Variants in IQCE observed in about 807,000 individuals in gnomAD.
IQCE encodes IQ domain-containing protein E.
A neutral mutation model predicts 96.0 loss-of-function variants in IQCE; 115 were observed. The observed-to-expected ratio is 1.20, with a 90% CI of 1.03 to 1.40. The LOEUF is 1.40. Among genes scored for constraint, IQCE ranks in the 40% most tolerant of loss-of-function variants. IQCE has a pLI of 0.00. For missense variants in IQCE, 1,041 were observed against 909.1 expected, an observed-to-expected ratio of 1.15 and a Z score of -1.87; for synonymous variants, 412 against 371.2, an observed-to-expected ratio of 1.11 and a Z score of -1.26.
At chr7:2,592,929 G>A (rs1783720503) in intron 14 of IQCE, 93 bp from the exon 15 acceptor site, 2 of 1,381,526 alleles carry the variant, frequency 1.4e-6, no homozygotes, top group Admixed American at 4.0e-5. Flanking sequence ...CCTAAGGAAG[G>A]GCTGAGCACT....
chr7:2,559,311 G>A (rs924597757), intron 1 of IQCE, 94 bp downstream of exon 1: 14 of 677,746 alleles, frequency 2.1e-5, no homozygotes, highest in Non-Finnish European at 2.6e-5. Context: ...CGCAGGGGCC[G>A]GCCCGGGGCG....
Position 2,583,637 on chromosome 7 carries a change from C to A in IQCE, c.702C>A (p.Ser234Arg). Residue 234 changes from serine (S) to arginine (R), a missense_variant and splice_region_variant, in exon 10 of 22, where the codon AGC becomes AGA. Transcript: ENST00000402050. ...ATTAACGCTGAACTTGGGTTTTCAG[C>A]AAACTCCAGACCGATATGAAGACTA... is the stretch of plus-strand genomic sequence containing the variant. ...QQCKEKDGTI[S>R]KLQTDMKTTN... is the part of the protein sequence containing the mutation. The A allele has an allele frequency of 1.3e-6, 2 of 1,579,118 alleles. No individual in the cohort carries two copies. The highest frequency in any genetic ancestry group is 8.6e-7 in the Non-Finnish European group (1 of 1,158,120).
intron 6 of IQCE, among the ~76,000 whole-genome samples, chr7:2,575,253 T>G (rs1316709115): frequency 6.6e-6 from 1 of 152,166 alleles, no homozygotes; most frequent in African/African-American, 2.4e-5. Flanking sequence ...GGGTACCACC[T>G]CGTTATCACC....
At chr7:2,583,876 CGGGGCGG>C (rs1782880434) in intron 10 of IQCE, among the ~76,000 whole-genome samples, 167 bp downstream of exon 10, 1 of 63,982 alleles carries the variant, frequency 1.6e-5, no homozygotes, top group African/African-American at 6.6e-5. Context: ...TGCTGGGTGG[CGGGGCGG>C]AGGGCGGGCA....
rs774003651 is a variant in IQCE, at chr7:2,604,954, G to A, written c.1706G>A (p.Gly569Asp). 2 of 1,613,650 alleles carry A rather than the reference G, an allele frequency of 1.2e-6. No individual in the cohort carries two copies. Among genetic ancestry groups the A allele is most frequent in the Non-Finnish European group, 1.7e-6 (2 of 1,179,954 alleles). The change falls in exon 19 of 22, where the codon GGC (glycine) becomes GAC (aspartate). Residue 569 changes from glycine (G) to aspartate (D), a missense_variant. Coordinates refer to ENST00000402050, the MANE Select transcript of IQCE (RefSeq NM_152558.5). ...AAGCTCTTAGCAAGCAAAGCACATG[G>A]CTCAGAGCCACCCAGCGTGCCAGGC... is the stretch of plus-strand genomic sequence containing the variant. ...RTKLLASKAH[G>D]SEPPSVPGLP...
chr7:2,598,470 A>G lies in IQCE; in HGVS notation c.1446A>G (p.Gln482=). 2 of 1,576,718 alleles carry G rather than the reference A, an allele frequency of 1.3e-6. No individual in the cohort carries two copies. The highest frequency in any genetic ancestry group is 8.6e-7 in the Non-Finnish European group (1 of 1,162,346). The change falls in exon 17 of 22, where the codon CAA becomes CAG. Residue 482 remains glutamine, a synonymous_variant. Coordinates refer to ENST00000402050, the MANE Select transcript of IQCE (RefSeq NM_152558.5). ...ACTCCTTCAATTTCCTGCAGGCCCAAGAGCTCCCAGCTCCCACTCCCAGCA... is the reference window on the plus strand; with the variant it reads ...ACTCCTTCAATTTCCTGCAGGCCCAGGAGCTCCCAGCTCCCACTCCCAGCA... ...EDCPEVPHKA[Q]ELPAPTPSSR... is the part of the protein sequence containing the mutation.
chr7:2,575,991 T>G (rs942483959), intron 6 of IQCE, among the ~76,000 whole-genome samples: 2 of 152,220 alleles, frequency 1.3e-5, no homozygotes, highest in Non-Finnish European at 2.9e-5. Context: ...GCAGTCCCGT[T>G]ACTAGAGCTC....
At chr7:2,567,052 A>G (rs2128431227) in intron 1 of IQCE, 64 bp from the exon 2 acceptor site, 1 of 1,437,542 alleles carries the variant, frequency 7.0e-7, no homozygotes, top group South Asian at 1.2e-5. Context: ...TCGCTTTTGT[A>G]AACGTGATGG....
At position 2,612,964 on chromosome 7, in the gene IQCE, CTACCACTT is replaced by C. The variant is rs1169721951; in HGVS notation, c.*2803_*2810del. The stretch of plus-strand genomic sequence containing the variant: ...CGTCAAGTGCCAAAGCAGGCCCCAT[CTACCACTT>C]CAGGGTCGACGTTGGTGGCAGGTGT... On this transcript the variant is annotated 3_prime_UTR_variant, in exon 22 of 22. Coordinates refer to ENST00000402050, the MANE Select transcript of IQCE (RefSeq NM_152558.5). The C allele has an allele frequency of 6.6e-6, 1 of 152,254 alleles. No homozygotes were observed. Among genetic ancestry groups the C allele is most frequent in the Non-Finnish European group, 1.5e-5 (1 of 68,050 alleles). 9.4% of individuals were successfully genotyped at this position (152,254 alleles called of 1,614,324 possible). A position where few individuals can be genotyped will look rare whatever the true frequency, so the allele number is the denominator to read the frequency against.
chr7:2,584,298 C>T lies in IQCE; in HGVS notation c.824+13C>T, dbSNP rs1447585476. The T allele has an allele frequency of 6.2e-7, 1 of 1,613,352 alleles. No individual in the cohort carries two copies. The highest frequency in any genetic ancestry group is 1.3e-5 in the African/African-American group (1 of 74,914). On this transcript the variant is annotated intron_variant, in intron 11 of 21. Transcript: ENST00000402050. ...CCACCGGAAAGAAGTATGATGGCCG[C>T]TTGCAAGCTGTGTTTTGTGTGTTGC...
chr7:2,590,736 G>C (rs576109005), intron 14 of IQCE, among the ~76,000 whole-genome samples: 4 of 152,186 alleles, frequency 2.6e-5, no homozygotes, highest in Non-Finnish European at 5.9e-5. Flanking sequence ...CTGCACTCCA[G>C]CCTAGGCAAC....
At chr7:2,607,652 G>C (rs370794837) in intron 21 of IQCE, 9 of 766,230 alleles carry the variant, frequency 1.2e-5, no homozygotes, top group Non-Finnish European at 1.5e-5. Context: ...TCCCTGCTCT[G>C]CCCGGAGCTG....
At chr7:2,604,053 A>G (rs918406679) in intron 18 of IQCE, among the ~76,000 whole-genome samples, 10 of 150,076 alleles carry the variant, frequency 6.7e-5, no homozygotes, top group Non-Finnish European at 1.2e-4. Context: ...CAGTGGCCCA[A>G]TCTTGGCTCA....
At chr7:2,585,775 G>A (rs1190038279) in intron 11 of IQCE, among the ~76,000 whole-genome samples, 2 of 152,190 alleles carry the variant, frequency 1.3e-5, no homozygotes, top group Admixed American at 6.5e-5. Flanking sequence ...ATTGATTTTC[G>A]GCTGATGGAT....
chr7:2,590,946 G>A (rs932366488), intron 14 of IQCE, among the ~76,000 whole-genome samples: 4 of 151,826 alleles, frequency 2.6e-5, no homozygotes, highest in South Asian at 2.1e-4. Flanking sequence ...CTATTAATAC[G>A]TAGGAAATAA....
chr7:2,565,232 T>G (rs929038421), intron 1 of IQCE, among the ~76,000 whole-genome samples: 1 of 147,090 alleles, frequency 6.8e-6, no homozygotes, highest in Non-Finnish European at 1.5e-5. Flanking sequence ...TGCATGAGTG[T>G]GTGTGCGTGT....
chr7:2,562,630 T>C (rs1781051038), intron 1 of IQCE, among the ~76,000 whole-genome samples: 1 of 150,992 alleles, frequency 6.6e-6, no homozygotes, highest in Non-Finnish European at 1.5e-5. Flanking sequence ...GGTAATTTCG[T>C]GTCTCTGGGT....
chr7:2,573,402 G>C lies in IQCE; in HGVS notation c.395-16G>C. ...TTGTAGATAGTCTTTGAAACGATTT[G>C]TTTATGTTTCTCTAGGTCATGTCCC... On this transcript the variant is annotated splice_polypyrimidine_tract_variant and intron_variant, in intron 5 of 21. Coordinates refer to ENST00000402050, the MANE Select transcript of IQCE (RefSeq NM_152558.5). The C allele has an allele frequency of 7.9e-7, 1 of 1,264,602 alleles. No homozygotes were observed. Among genetic ancestry groups the C allele is most frequent in the Non-Finnish European group, 1.2e-6 (1 of 865,090 alleles). 78.3% of individuals were successfully genotyped at this position (1,264,602 alleles called of 1,614,324 possible).
intron 13 of IQCE, 29 bp from the exon 14 acceptor site, chr7:2,589,878 T>C (rs1422490960): frequency 6.3e-7 from 1 of 1,597,538 alleles, no homozygotes; most frequent in South Asian, 1.1e-5. Flanking sequence ...TGAGAACTAG[T>C]ATCTAACACA....
Sources: gnomAD v4.1 joint callset for allele counts (sites outside exome capture counted in the v4.1 genomes callset) on GRCh38, gnomAD v4.1.1 for gene constraint, MANE v1.5 for transcripts, NCBI Gene and HGNC (gene_info 2026-07-23, HGNC 2026-07-21) for gene names.